NRG3: variants seen among roughly 807,000 people sequenced by gnomAD.
NRG3 encodes neuregulin 3, also known as pro-neuregulin-3, membrane-bound isoform.
NRG3 carries 31 observed loss-of-function variants against 66.9 expected under a neutral mutation model. That is an observed-to-expected ratio of 0.46 (90% CI 0.35 to 0.63). NRG3 has a LOEUF of 0.63. Ranked by LOEUF, NRG3 falls within the 20% of genes least tolerant of loss-of-function variation. The pLI, the probability that NRG3 is intolerant of heterozygous loss-of-function variation, is 0.00. For missense variants in NRG3, 910 were observed against 878.9 expected (o/e 1.04, Z -0.45); for synonymous variants, 393 against 359.4 (o/e 1.09, Z -1.06).
chr10:82,839,746 T>C (rs1260803738), intron 3 of NRG3, among the ~76,000 whole-genome samples: 1 of 151,934 alleles, frequency 6.6e-6, no homozygotes, highest in Non-Finnish European at 1.5e-5. Flanking sequence ...TACATGAATA[T>C]ATATTTATAT....
chr10:82,876,843 A>G (rs117503893), intron 4 of NRG3, among the ~76,000 whole-genome samples: 3,033 of 152,030 alleles, frequency 0.02, 46 homozygotes, highest in Middle Eastern at 0.034. Context: ...ACCAAGATGG[A>G]TGAAACCCCG....
chr10:82,633,605 A>G (rs957349240), intron 2 of NRG3, among the ~76,000 whole-genome samples: 3 of 152,110 alleles, frequency 2.0e-5, no homozygotes, highest in Non-Finnish European at 2.9e-5. Context: ...AGTGTGGCCC[A>G]GGAGTCAAGA....
At chr10:81,950,444 T>G (rs534361086) in intron 1 of NRG3, among the ~76,000 whole-genome samples, 1 of 152,162 alleles carries the variant, frequency 6.6e-6, no homozygotes, top group Non-Finnish European at 1.5e-5. Context: ...AGAAAATCAC[T>G]TCAGGCCAAA....
At chr10:82,786,154 G>T (rs1455641585) in intron 3 of NRG3, among the ~76,000 whole-genome samples, 2 of 152,114 alleles carry the variant, frequency 1.3e-5, no homozygotes, top group African/African-American at 4.8e-5. Context: ...CCATGGAAGT[G>T]AAGTAGACCC....
At chr10:82,482,839 G>T (rs532155738) in intron 2 of NRG3, among the ~76,000 whole-genome samples, 1 of 152,154 alleles carries the variant, frequency 6.6e-6, no homozygotes, top group East Asian at 1.9e-4. Flanking sequence ...GATTGTGGTT[G>T]ATAATGATGT....
At chr10:82,491,293 AATATAT>A (rs10652539) in intron 2 of NRG3, among the ~76,000 whole-genome samples, 1 of 82,188 alleles carries the variant, frequency 1.2e-5, no homozygotes. Context: ...GTTCCCATAA[AATATAT>A]ATATATATAT....
chr10:81,954,524 C>A (rs956749427), intron 1 of NRG3, among the ~76,000 whole-genome samples: 3 of 152,102 alleles, frequency 2.0e-5, no homozygotes, highest in Admixed American at 1.3e-4. Flanking sequence ...ACAAGCTGAA[C>A]TCAAGAGCTT....
chr10:81,963,934 T>G (rs2059627803), intron 1 of NRG3, among the ~76,000 whole-genome samples: 1 of 152,240 alleles, frequency 6.6e-6, no homozygotes, highest in Non-Finnish European at 1.5e-5. Context: ...TTCATCTGTG[T>G]TTTCGTAGCA....
intron 1 of NRG3, chr10:82,232,995 G>T: frequency 1.7e-6 from 1 of 589,930 alleles, no homozygotes; most frequent in Non-Finnish European, 3.1e-6. Context: ...TTGTTTCCAG[G>T]GTATGTGGGC....
intron 2 of NRG3, among the ~76,000 whole-genome samples, chr10:82,618,658 T>A (rs2048827666): frequency 6.6e-6 from 1 of 152,050 alleles, no homozygotes; most frequent in Non-Finnish European, 1.5e-5. Flanking sequence ...GAAGAAAAAT[T>A]ATAAAAAATA....
At chr10:82,588,445 C>T (rs1339978359) in intron 2 of NRG3, among the ~76,000 whole-genome samples, 3 of 152,096 alleles carry the variant, frequency 2.0e-5, no homozygotes, top group Non-Finnish European at 2.9e-5. Flanking sequence ...AGGCTCTCAC[C>T]AGAAGCAGAT....
chr10:82,549,480 G>C (rs2044159993), intron 2 of NRG3, among the ~76,000 whole-genome samples: 1 of 152,126 alleles, frequency 6.6e-6, no homozygotes, highest in Non-Finnish European at 1.5e-5. Flanking sequence ...AGGAGAGTTG[G>C]TTTTATGCAG....
At chr10:82,405,683 GTCT>G (rs1173023661) in intron 2 of NRG3, among the ~76,000 whole-genome samples, 13 of 152,178 alleles carry the variant, frequency 8.5e-5, no homozygotes, top group Middle Eastern at 3.4e-3. Flanking sequence ...GGCCAGACTG[GTCT>G]CAAACTTCTG....
chr10:82,129,988 G>T (rs1192804624), intron 1 of NRG3, among the ~76,000 whole-genome samples: 1 of 150,690 alleles, frequency 6.6e-6, no homozygotes, highest in Non-Finnish European at 1.5e-5. Context: ...CACTTTCCCT[G>T]CCCATTAACC....
At chr10:82,178,170 C>T (rs367840141) in intron 1 of NRG3, among the ~76,000 whole-genome samples, 11 of 152,170 alleles carry the variant, frequency 7.2e-5, no homozygotes, top group African/African-American at 9.6e-5. Flanking sequence ...TTTTCCAAAA[C>T]GCCCTCACAC....
At chr10:82,559,974 ATAGT>A (rs1412249723) in intron 2 of NRG3, among the ~76,000 whole-genome samples, 2 of 152,146 alleles carry the variant, frequency 1.3e-5, no homozygotes, top group Admixed American at 6.5e-5. Flanking sequence ...ATATATATAT[ATAGT>A]AAGTCAGTTG....
At chr10:81,905,218 G>T (rs1437887898) in intron 1 of NRG3, among the ~76,000 whole-genome samples, 1 of 152,042 alleles carries the variant, frequency 6.6e-6, no homozygotes, top group Admixed American at 6.6e-5. Context: ...ACCACTCTTC[G>T]TTTTTTTCCT....
At chr10:81,940,554 C>T (rs1369698870) in intron 1 of NRG3, among the ~76,000 whole-genome samples, 1 of 151,778 alleles carries the variant, frequency 6.6e-6, no homozygotes, top group South Asian at 2.1e-4. Flanking sequence ...ATGGGGGTCT[C>T]ATTATGTTGT....
chr10:82,590,802 G>T (rs1490026518), intron 2 of NRG3, among the ~76,000 whole-genome samples: 1 of 152,142 alleles, frequency 6.6e-6, no homozygotes, highest in African/African-American at 2.4e-5. Context: ...TGGAACCAAA[G>T]ATTTCAATGA....
Sources: gnomAD v4.1 joint callset for allele counts (sites outside exome capture counted in the v4.1 genomes callset) on GRCh38, gnomAD v4.1.1 for gene constraint, MANE v1.5 for transcripts, NCBI Gene and HGNC (gene_info 2026-07-23, HGNC 2026-07-21) for gene names.